Variants in DDX31 observed in about 807,000 individuals in gnomAD.
DDX31 encodes the protein ATP-dependent DNA helicase DDX31.
A neutral mutation model predicts 91.3 loss-of-function variants in DDX31; 70 were observed. The ratio of observed to expected loss-of-function variants is 0.77; its 90% CI spans 0.63 to 0.94. DDX31 has a LOEUF of 0.94. Ranked by LOEUF, DDX31 falls within the 40% of genes least tolerant of loss-of-function variation. DDX31 has a pLI of 0.00. For missense variants in DDX31, 902 were observed against 925.0 expected (o/e 0.98, Z 0.32); for synonymous variants, 362 against 350.6 (o/e 1.03, Z -0.36).
chr9:132,612,160 T>C lies in DDX31; in HGVS notation c.1921A>G (p.Ser641Gly). The change falls in exon 19 of 20, where the codon AGC (serine) becomes GGC (glycine). Residue 641 changes from serine to glycine, a missense_variant. Coordinates refer to ENST00000372159, the MANE Select transcript of DDX31 (RefSeq NM_022779.9). ...CTGGGGGCATCTCTTAGTCCGAAGC[T>C]CTTCGCCACATGCCCAAGGTGGAGG... Reference protein sequence around the residue: ...RSLHLGHVAKSFGLRDAPRNL... With the variant: ...RSLHLGHVAKGFGLRDAPRNL... The C allele has an allele frequency of 6.2e-7, 1 of 1,614,204 alleles. No homozygotes were observed. The highest frequency in any genetic ancestry group is 8.5e-7 in the Non-Finnish European group (1 of 1,180,036).
At chr9:132,607,848 C>T (rs777964674) in intron 19 of DDX31, among the ~76,000 whole-genome samples, 6 of 152,092 alleles carry the variant, frequency 3.9e-5, no homozygotes, top group Non-Finnish European at 8.8e-5. Flanking sequence ...GAACTTAAGG[C>T]ACATCGTTTC....
intron 17 of DDX31, among the ~76,000 whole-genome samples, chr9:132,623,617 G>A (rs1209978926): frequency 6.6e-6 from 1 of 151,594 alleles, no homozygotes; most frequent in Non-Finnish European, 1.5e-5. Context: ...ACAGGCTGGT[G>A]ACAGATGAGG....
intron 13 of DDX31, among the ~76,000 whole-genome samples, chr9:132,645,671 C>G (rs997853547): frequency 4.6e-5 from 7 of 152,160 alleles, no homozygotes; most frequent in Non-Finnish European, 8.8e-5. Flanking sequence ...AGAGCAAAAG[C>G]AAATGGGAAC....
At chr9:132,650,743 C>T (rs1834132871) in intron 8 of DDX31, among the ~76,000 whole-genome samples, 1 of 152,196 alleles carries the variant, frequency 6.6e-6, no homozygotes, top group Admixed American at 6.5e-5. Context: ...AGCCTTCACT[C>T]TCCTTTCTTA....
At chr9:132,604,336 A>G (rs944413988) in intron 19 of DDX31, among the ~76,000 whole-genome samples, 2 of 152,150 alleles carry the variant, frequency 1.3e-5, no homozygotes, top group African/African-American at 4.8e-5. Flanking sequence ...GTTTATTCTT[A>G]AGAGAAATGC....
At chr9:132,634,256 G>C (rs1208492682) in intron 14 of DDX31, among the ~76,000 whole-genome samples, 1 of 152,096 alleles carries the variant, frequency 6.6e-6, no homozygotes, top group African/African-American at 2.4e-5. Context: ...CTACAGAAAA[G>C]TTAAAAGACT....
rs770058182 is a variant in DDX31, at chr9:132,645,968, G to A, written c.1307C>T (p.Pro436Leu). Residue 436 changes from proline (P) to leucine (L), a missense_variant, in exon 13 of 20, where the codon CCG (proline) becomes CTG (leucine). Transcript: ENST00000372159. ...LQTLLSSSGA[P>L]ASGQLPSASM... Reference sequence around the variant, plus strand: ...GGCAGATGGCAACTGCCCTGATGCCGGCGCCCCTGAGCTGCTCAGCAGGGT... The same window carrying A: ...GGCAGATGGCAACTGCCCTGATGCCAGCGCCCCTGAGCTGCTCAGCAGGGT... 1.5e-5 allele frequency: 25 copies of A among 1,613,890 alleles called. No homozygotes were observed. Among genetic ancestry groups the A allele is most frequent in the African/African-American group, 6.7e-5 (5 of 74,888 alleles).
chr9:132,628,068 T>C (rs954063582), intron 16 of DDX31, among the ~76,000 whole-genome samples: 1 of 152,250 alleles, frequency 6.6e-6, no homozygotes. Context: ...AAACAGTTCA[T>C]GTATAGATAC....
At chr9:132,627,489 C>T (rs980198892) in intron 16 of DDX31, among the ~76,000 whole-genome samples, 5 of 152,044 alleles carry the variant, frequency 3.3e-5, no homozygotes, top group African/African-American at 9.7e-5. Context: ...TAGTATGAAA[C>T]GAGATGGATA....
intron 1 of DDX31, among the ~76,000 whole-genome samples, chr9:132,669,382 C>T (rs1276605980): frequency 6.6e-6 from 1 of 151,700 alleles, no homozygotes; most frequent in Admixed American, 6.6e-5. Context: ...GAAAGTAAGT[C>T]ACGATATATA....
chr9:132,628,707 G>C (rs957252287), intron 16 of DDX31, among the ~76,000 whole-genome samples: 6 of 152,186 alleles, frequency 3.9e-5, no homozygotes, highest in African/African-American at 1.4e-4. Flanking sequence ...TAAAGTGAAC[G>C]AGCATGGGGG....
intron 14 of DDX31, chr9:132,637,966 CAGG>C (rs1340214731): frequency 1.4e-5 from 14 of 1,014,048 alleles, no homozygotes; most frequent in African/African-American, 1.7e-5. Flanking sequence ...GGAAATTCCC[CAGG>C]AGGAGAGGAA....
At chr9:132,620,719 GAC>G (rs1445601921) in intron 17 of DDX31, among the ~76,000 whole-genome samples, 6 of 152,130 alleles carry the variant, frequency 3.9e-5, no homozygotes, top group African/African-American at 1.4e-4. Flanking sequence ...TTAAACTGAA[GAC>G]AGAGGGGGGC....
At chr9:132,635,530 C>T (rs574932155) in intron 14 of DDX31, among the ~76,000 whole-genome samples, 2 of 147,142 alleles carry the variant, frequency 1.4e-5, no homozygotes, top group Non-Finnish European at 3.0e-5. Context: ...TCTTGATCTC[C>T]TGGACGTCAT....
rs994477752 is a variant in DDX31, at chr9:132,669,979, A to G, written c.-45T>C. On this transcript the variant is annotated 5_prime_UTR_variant, in exon 1 of 20. Transcript: ENST00000372159. ...TGGTGCAGCAGCGAGCCCGGTGCGCAGACTGCTGGGCCCGGGACCCCACGT... is the reference window on the plus strand; with the variant it reads ...TGGTGCAGCAGCGAGCCCGGTGCGCGGACTGCTGGGCCCGGGACCCCACGT... 5 of 1,575,110 alleles carry G rather than the reference A, an allele frequency of 3.2e-6. No individual in the cohort carries two copies. In the African/African-American group the frequency reaches 4.1e-5, roughly 13 times the overall value.
In DDX31 at chr9:132,595,975, A is replaced by G. The variant is rs1351861005; in HGVS notation, c.1995-863T>C. Among the ~76,000 whole-genome samples the G allele has an allele frequency of 6.6e-6, 1 of 152,240 alleles. No individual in the cohort carries two copies. The highest frequency in any genetic ancestry group is 1.9e-4 in the East Asian group (1 of 5,196). The stretch of plus-strand genomic sequence containing the variant: ...ATTATGAAAACTGAAGAGTAAAACA[A>G]TGTTTCTTAAGACAGGATTTTAACC... On this transcript the variant is annotated intron_variant, in intron 19 of 19. Coordinates refer to ENST00000372159, the MANE Select transcript of DDX31 (RefSeq NM_022779.9). The surrounding 1 kb of genome is among the most constrained non-coding windows in gnomAD (Gnocchi z 4.6).
chr9:132,604,241 A>T (rs1830881111), intron 19 of DDX31, among the ~76,000 whole-genome samples: 1 of 152,212 alleles, frequency 6.6e-6, no homozygotes, highest in Non-Finnish European at 1.5e-5. Context: ...GGTCCCTGAG[A>T]CTACAGGCCA....
At chr9:132,618,955 G>A (rs893079512) in intron 17 of DDX31, among the ~76,000 whole-genome samples, 7 of 152,278 alleles carry the variant, frequency 4.6e-5, no homozygotes, top group South Asian at 2.1e-4. Context: ...TGCCTAGAGC[G>A]GTTCAGACTT....
At chr9:132,659,821 C>G (rs1834820241) in intron 4 of DDX31, 41 bp from the exon 5 acceptor site, 1 of 1,593,972 alleles carries the variant, frequency 6.3e-7, no homozygotes, top group African/African-American at 1.3e-5. Flanking sequence ...ACCTATATTA[C>G]CCAGTTACTG....
Sources: gnomAD v4.1 joint callset for allele counts (sites outside exome capture counted in the v4.1 genomes callset) on GRCh38, gnomAD v4.1.1 for gene constraint, Gnocchi (gnomAD v3.1) non-coding constraint, MANE v1.5 for transcripts, NCBI Gene and HGNC (gene_info 2026-07-23, HGNC 2026-07-21) for gene names.